The following GFRA1 variants were observed in gnomAD, a reference collection of about 807,000 sequenced individuals.
GFRA1 encodes the protein GDNF family receptor alpha-1.
Under a neutral mutation model 51.6 loss-of-function variants are expected in GFRA1, and 16 were observed. That is an observed-to-expected ratio of 0.31 (90% CI 0.21 to 0.47). The LOEUF is 0.47. Ranked by LOEUF, GFRA1 falls within the 20% of genes least tolerant of loss-of-function variation. The pLI is 1.00. For missense variants in GFRA1, 530 were observed against 594.3 expected, an observed-to-expected ratio of 0.89 and a Z score of 1.13; for synonymous variants, 270 against 241.3, an observed-to-expected ratio of 1.12 and a Z score of -1.10.
At position 116,168,172 on chromosome 10, in the gene GFRA1, G is replaced by A. The variant is rs193016415; in HGVS notation, c.434-42615C>T. ...TTTTTTTTTTTTTTTAGGTCAGACA[G>A]GCAAGTGTGATTGTCATTCAACAAT... On this transcript the variant is annotated intron_variant, in intron 5 of 10. Coordinates refer to ENST00000355422, the MANE Select transcript of GFRA1 (RefSeq NM_005264.8). Among the ~76,000 whole-genome samples, 402 of 150,332 alleles carry A rather than the reference G, an allele frequency of 2.7e-3. 2 individuals carry two copies. The highest frequency in any genetic ancestry group is 9.4e-3 in the African/African-American group (384 of 40,814).
intron 5 of GFRA1, among the ~76,000 whole-genome samples, chr10:116,152,442 G>A (rs1959100077): frequency 6.6e-6 from 1 of 152,200 alleles, no homozygotes; most frequent in Admixed American, 6.5e-5. Flanking sequence ...AGGCAAAGGG[G>A]AGCAGGTGGT....
chr10:116,130,338 T>C (rs949611171), intron 5 of GFRA1, among the ~76,000 whole-genome samples: 2 of 152,036 alleles, frequency 1.3e-5, no homozygotes, highest in Non-Finnish European at 2.9e-5. Flanking sequence ...AGGCCAATTT[T>C]TTAAACTCAT....
intron 4 of GFRA1, 34 bp downstream of exon 4, chr10:116,269,469 A>G (rs1199041512): frequency 2.5e-6 from 3 of 1,189,560 alleles, no homozygotes; most frequent in Non-Finnish European, 3.8e-6. Flanking sequence ...TCAAGCACAC[A>G]AAGGCATCAG....
intron 4 of GFRA1, among the ~76,000 whole-genome samples, chr10:116,213,547 C>T (rs1002089124): frequency 7.9e-5 from 12 of 152,196 alleles, no homozygotes; most frequent in Admixed American, 7.2e-4. Context: ...ACACGCCTTA[C>T]ATTTACAACC....
intron 9 of GFRA1, among the ~76,000 whole-genome samples, chr10:116,087,004 G>A (rs1341684679): frequency 2.0e-5 from 3 of 152,158 alleles, no homozygotes; most frequent in Admixed American, 1.3e-4. Context: ...TTTTAGTAGA[G>A]ACAGGATTTT....
At chr10:116,075,593 T>C (rs1955583328) in intron 9 of GFRA1, among the ~76,000 whole-genome samples, 1 of 152,180 alleles carries the variant, frequency 6.6e-6, no homozygotes, top group African/African-American at 2.4e-5. Flanking sequence ...AATTTTATTG[T>C]ATCAAGAGGC....
intron 4 of GFRA1, chr10:116,255,503 A>C (rs117589996): frequency 0.028 from 26,890 of 953,786 alleles, 620 homozygotes; most frequent in Non-Finnish European, 0.031. Context: ...AGGAAAAAAA[A>C]AAACAAAAAA....
intron 5 of GFRA1, among the ~76,000 whole-genome samples, chr10:116,136,066 G>C (rs138974632): frequency 2.6e-5 from 4 of 152,238 alleles, no homozygotes; most frequent in African/African-American, 9.6e-5. Flanking sequence ...TTTTCTAAAA[G>C]TGAAATCTTT....
chr10:116,246,960 G>C (rs1967915060), intron 4 of GFRA1, among the ~76,000 whole-genome samples: 1 of 152,182 alleles, frequency 6.6e-6, no homozygotes, highest in African/African-American at 2.4e-5. Flanking sequence ...TGCCCATCAA[G>C]AGTGGAATAT....
intron 6 of GFRA1, among the ~76,000 whole-genome samples, chr10:116,117,858 T>C (rs1957491387): frequency 6.6e-6 from 1 of 152,124 alleles, no homozygotes; most frequent in South Asian, 2.1e-4. Context: ...GTTCTCTGAG[T>C]GATTGACACC....
At chr10:116,079,486 A>G (rs968275792) in intron 9 of GFRA1, among the ~76,000 whole-genome samples, 1 of 144,800 alleles carries the variant, frequency 6.9e-6, no homozygotes, top group African/African-American at 2.9e-5. Flanking sequence ...CCTTGTTAGT[A>G]TAAAGGAAAA....
chr10:116,168,616 G>C (rs1960726308), intron 5 of GFRA1, among the ~76,000 whole-genome samples: 1 of 152,142 alleles, frequency 6.6e-6, no homozygotes, highest in Non-Finnish European at 1.5e-5. Context: ...GTTCCCTTCA[G>C]GTGGATCATG....
intron 9 of GFRA1, among the ~76,000 whole-genome samples, chr10:116,066,635 TTTAC>T (rs1431648837): frequency 1.3e-5 from 2 of 152,150 alleles, no homozygotes; most frequent in African/African-American, 2.4e-5. Flanking sequence ...CACACAACAA[TTTAC>T]TTACAGAGTC....
intron 5 of GFRA1, among the ~76,000 whole-genome samples, chr10:116,203,727 A>G (rs1011806838): frequency 3.3e-5 from 5 of 152,272 alleles, no homozygotes. Flanking sequence ...CCTGGTCCCC[A>G]GTGAGCAACA....
At chr10:116,220,142 A>G (rs1424975958) in intron 4 of GFRA1, among the ~76,000 whole-genome samples, 4 of 152,172 alleles carry the variant, frequency 2.6e-5, no homozygotes, top group African/African-American at 9.7e-5. Context: ...TACATCCACA[A>G]ACACATCCAT....
At chr10:116,148,921 A>G (rs1958947708) in intron 5 of GFRA1, among the ~76,000 whole-genome samples, 1 of 152,208 alleles carries the variant, frequency 6.6e-6, no homozygotes, top group Admixed American at 6.5e-5. Context: ...TTAAATTTCA[A>G]GCACCTTATT....
At chr10:116,096,484 T>TC (rs200542777) in intron 7 of GFRA1, among the ~76,000 whole-genome samples, 171 bp downstream of exon 7, 10 of 94,222 alleles carry the variant, frequency 1.1e-4, no homozygotes, top group South Asian at 3.7e-4. Flanking sequence ...TTTTTCTTCT[T>TC]TTTTTTTTCT....
chr10:116,089,585 A>G (rs192882847), intron 9 of GFRA1, among the ~76,000 whole-genome samples, 156 bp downstream of exon 9: 1 of 152,220 alleles, frequency 6.6e-6, no homozygotes, highest in Admixed American at 6.5e-5. Context: ...ACAGGTCACA[A>G]TCTTCACTGG....
chr10:116,226,626 G>A (rs528343933), intron 4 of GFRA1: 2 of 197,486 alleles, frequency 1.0e-5, no homozygotes, highest in Non-Finnish European at 2.2e-5. Context: ...GGCAGGGGGT[G>A]TATGTGAGTG....
Sources: allele counts gnomAD v4.1 joint callset (sites outside exome capture counted in the v4.1 genomes callset), GRCh38; gene constraint gnomAD v4.1.1; transcripts MANE v1.5; gene names NCBI Gene and HGNC (gene_info 2026-07-23, HGNC 2026-07-21).